Variants in NKAIN2 observed in about 807,000 individuals in gnomAD.
NKAIN2 encodes the protein sodium/potassium-transporting ATPase subunit beta-1-interacting protein 2.
Under a neutral mutation model 32.6 loss-of-function variants are expected in NKAIN2, and 14 were observed. That is an observed-to-expected ratio of 0.43 (90% CI 0.28 to 0.67). The LOEUF (loss-of-function observed/expected upper bound fraction) is 0.67, where lower values mean the gene tolerates loss of function less well. NKAIN2 is among the 30% of genes least tolerant of loss of function. The pLI, the probability that NKAIN2 is intolerant of heterozygous loss-of-function variation, is 0.17. For missense variants in NKAIN2, 198 were observed against 258.3 expected, an observed-to-expected ratio of 0.77 and a Z score of 1.60; for synonymous variants, 80 against 87.2, an observed-to-expected ratio of 0.92 and a Z score of 0.46.
At chr6:124,690,849 C>T (rs565389288) in intron 4 of NKAIN2, among the ~76,000 whole-genome samples, 1 of 152,324 alleles carries the variant, frequency 6.6e-6, no homozygotes, top group East Asian at 1.9e-4. Context: ...ATTAAAGTCA[C>T]ACTTTCCTCC....
At chr6:124,324,015 TCTC>T (rs1797314693) in intron 2 of NKAIN2, among the ~76,000 whole-genome samples, 1 of 151,986 alleles carries the variant, frequency 6.6e-6, no homozygotes, top group Non-Finnish European at 1.5e-5. Flanking sequence ...ATGGTCTCGA[TCTC>T]CTGACCTCGT....
intron 1 of NKAIN2, among the ~76,000 whole-genome samples, chr6:124,070,356 C>G (rs1318856823): frequency 1.3e-5 from 2 of 151,928 alleles, no homozygotes; most frequent in African/African-American, 2.4e-5. Flanking sequence ...TCCAACCTAC[C>G]TGAATCTTGA....
At chr6:124,340,345 T>G (rs1798065095) in intron 2 of NKAIN2, among the ~76,000 whole-genome samples, 1 of 152,186 alleles carries the variant, frequency 6.6e-6, no homozygotes, top group African/African-American at 2.4e-5. Context: ...ATATGATTAT[T>G]TTTTAAAAAA....
chr6:124,309,507 T>C (rs1562483750), intron 2 of NKAIN2, among the ~76,000 whole-genome samples: 1 of 152,138 alleles, frequency 6.6e-6, no homozygotes, highest in Non-Finnish European at 1.5e-5. Flanking sequence ...TAAAACCTAC[T>C]AATTTTTAAA....
intron 1 of NKAIN2, among the ~76,000 whole-genome samples, chr6:124,196,414 GT>G (rs1295514839): frequency 6.6e-6 from 1 of 152,048 alleles, no homozygotes; most frequent in African/African-American, 2.4e-5. Flanking sequence ...GGAAAGTGAT[GT>G]TTACAGAGAT....
intron 1 of NKAIN2, among the ~76,000 whole-genome samples, chr6:123,810,170 C>T (rs765393891): frequency 2.6e-5 from 4 of 151,972 alleles, no homozygotes; most frequent in Non-Finnish European, 4.4e-5. Flanking sequence ...GGCCTTGAAA[C>T]GTTAAGCTGT....
intron 1 of NKAIN2, among the ~76,000 whole-genome samples, chr6:123,872,966 A>G (rs1023273843): frequency 3.9e-5 from 6 of 152,186 alleles, no homozygotes; most frequent in Non-Finnish European, 7.3e-5. Context: ...AAATTTTTCA[A>G]AAAGTGTTTG....
chr6:124,311,393 C>G (rs188961922), intron 2 of NKAIN2, among the ~76,000 whole-genome samples: 30 of 152,268 alleles, frequency 2.0e-4, no homozygotes, highest in Middle Eastern at 3.4e-3. Context: ...AAAGTTTCCC[C>G]ACTTGTACAA....
At chr6:124,178,299 CTTTT>C (rs71021481) in intron 1 of NKAIN2, among the ~76,000 whole-genome samples, 1 of 139,084 alleles carries the variant, frequency 7.2e-6, no homozygotes. Context: ...CGTACATTAA[CTTTT>C]TTTTTTTTTT....
At chr6:123,895,944 A>C (rs543099116) in intron 1 of NKAIN2, among the ~76,000 whole-genome samples, 2 of 152,346 alleles carry the variant, frequency 1.3e-5, no homozygotes, top group Admixed American at 1.3e-4. Context: ...CTGGTAAATC[A>C]TCTCAAGCTG....
At chr6:124,235,609 T>C (rs1017034215) in intron 1 of NKAIN2, among the ~76,000 whole-genome samples, 4 of 151,662 alleles carry the variant, frequency 2.6e-5, no homozygotes, top group Admixed American at 2.6e-4. Context: ...GTTGTTTTTT[T>C]TTTTCCTGAG....
intron 1 of NKAIN2, among the ~76,000 whole-genome samples, chr6:123,938,451 T>TACACACAC (rs1359472284): frequency 3.7e-5 from 3 of 81,292 alleles, no homozygotes; most frequent in East Asian, 2.5e-4. Context: ...TATATATATA[T>TACACACAC]ACACACACAC....
intron 4 of NKAIN2, among the ~76,000 whole-genome samples, chr6:124,693,618 G>C (rs1252672581): frequency 2.6e-5 from 4 of 152,186 alleles, no homozygotes; most frequent in African/African-American, 9.6e-5. Context: ...AGGTGAAGGT[G>C]AGGTACTTCT....
intron 3 of NKAIN2, among the ~76,000 whole-genome samples, chr6:124,579,573 C>A (rs533691): frequency 6.6e-6 from 1 of 152,100 alleles, no homozygotes; most frequent in Non-Finnish European, 1.5e-5. Context: ...TAAGCCCACC[C>A]ACCAGATCTA....
chr6:124,334,730 C>T (rs1333438303), intron 2 of NKAIN2, among the ~76,000 whole-genome samples: 2 of 88,020 alleles, frequency 2.3e-5, no homozygotes, highest in African/African-American at 4.9e-5. Flanking sequence ...CTGCATGACT[C>T]CTCGCCAGAA....
At chr6:124,240,382 C>T (rs1301760132) in intron 1 of NKAIN2, among the ~76,000 whole-genome samples, 4 of 152,226 alleles carry the variant, frequency 2.6e-5, no homozygotes, top group South Asian at 2.1e-4. Flanking sequence ...AGACTCCTCC[C>T]TAACTCATTT....
At chr6:124,688,307 T>C (rs542742264) in intron 4 of NKAIN2, among the ~76,000 whole-genome samples, 1 of 152,060 alleles carries the variant, frequency 6.6e-6, no homozygotes, top group African/African-American at 2.4e-5. Context: ...CCCAGGCCTG[T>C]TTTTTCTTAT....
intron 1 of NKAIN2, among the ~76,000 whole-genome samples, chr6:123,866,160 G>A (rs182602962): frequency 7.4e-4 from 113 of 152,236 alleles, no homozygotes; most frequent in African/African-American, 2.6e-3. Context: ...ACTCAGTGCC[G>A]TTGGTTATTT....
chr6:124,098,694 C>A (rs924089483), intron 1 of NKAIN2, among the ~76,000 whole-genome samples: 1 of 151,896 alleles, frequency 6.6e-6, no homozygotes, highest in Middle Eastern at 3.2e-3. Context: ...TATGGTGAAA[C>A]CTCATCTCTA....
Sources: gnomAD v4.1 joint callset for allele counts (sites outside exome capture counted in the v4.1 genomes callset) on GRCh38, gnomAD v4.1.1 for gene constraint, MANE v1.5 for transcripts, NCBI Gene and HGNC (gene_info 2026-07-23, HGNC 2026-07-21) for gene names.